The following PRIM2 variants were observed in gnomAD, a reference collection of about 807,000 sequenced individuals.
PRIM2 encodes DNA primase subunit 2, also known as DNA primase large subunit.
A neutral mutation model predicts 67.3 loss-of-function variants in PRIM2; 39 were observed. The ratio of observed to expected loss-of-function variants is 0.58; its 90% confidence interval spans 0.45 to 0.76. PRIM2 has a LOEUF of 0.76. PRIM2 is among the 30% of genes least tolerant of loss of function. The pLI, the probability that PRIM2 is intolerant of heterozygous loss-of-function variation, is 0.00. For missense variants in PRIM2, 398 were observed against 598.7 expected (o/e 0.66, Z 3.50); for synonymous variants, 143 against 198.7 (o/e 0.72, Z 2.36).
At chr6:57,572,033 A>T (rs1475586839) in intron 10 of PRIM2, among the ~76,000 whole-genome samples, 1 of 152,166 alleles carries the variant, frequency 6.6e-6, no homozygotes, top group Non-Finnish European at 1.5e-5. Context: ...TATCTGTTTT[A>T]TCGTTCATGA....
At chr6:57,240,087 ATCTGTTTTT>A in the PRIM2 span, among the ~76,000 whole-genome samples, 1 of 109,898 alleles carries the variant, frequency 9.1e-6, no homozygotes, top group Admixed American at 1.2e-4. Flanking sequence ...GGGATCAATA[ATCTGTTTTT>A]TTTTTTTTTT....
At chr6:57,617,274 G>GT (rs1264816990) in intron 12 of PRIM2, among the ~76,000 whole-genome samples, 1 of 152,080 alleles carries the variant, frequency 6.6e-6, no homozygotes, top group Non-Finnish European at 1.5e-5. Flanking sequence ...TCTTTGTCTA[G>GT]TTTCCTCTTT....
chr6:57,406,631 G>C (rs1770901323), intron 7 of PRIM2, among the ~76,000 whole-genome samples: 1 of 152,052 alleles, frequency 6.6e-6, no homozygotes, highest in African/African-American at 2.4e-5. Context: ...TCTGAGACTA[G>C]TTGATTGGAA....
chr6:57,516,172 G>C (rs1403477512), intron 8 of PRIM2, among the ~76,000 whole-genome samples: 2 of 151,878 alleles, frequency 1.3e-5, no homozygotes, highest in Non-Finnish European at 2.9e-5. Flanking sequence ...GATTAGATCA[G>C]ACTACAGGGA....
intron 13 of PRIM2, among the ~76,000 whole-genome samples, chr6:57,636,209 C>G (rs1777118810): frequency 6.6e-6 from 1 of 151,948 alleles, no homozygotes; most frequent in Non-Finnish European, 1.5e-5. Flanking sequence ...AGGAAAGAAA[C>G]AAAAGAGTCA....
intron 7 of PRIM2, among the ~76,000 whole-genome samples, chr6:57,459,506 A>G (rs1772925939): frequency 6.6e-6 from 1 of 152,184 alleles, no homozygotes; most frequent in Non-Finnish European, 1.5e-5. Context: ...AGGTTCCTGT[A>G]CAGTGATAAA....
At chr6:57,296,451 A>G in the PRIM2 span, among the ~76,000 whole-genome samples, 3 of 152,184 alleles carry the variant, frequency 2.0e-5, no homozygotes, top group Non-Finnish European at 2.9e-5. Flanking sequence ...AAATGAATAA[A>G]TAAAAGGAAA....
At chr6:57,266,358 C>T in the PRIM2 span, among the ~76,000 whole-genome samples, 4 of 152,114 alleles carry the variant, frequency 2.6e-5, no homozygotes, top group Admixed American at 6.6e-5. Flanking sequence ...CAAACCCAGA[C>T]GGCCTACAGA....
intron 5 of PRIM2, among the ~76,000 whole-genome samples, chr6:57,362,751 C>T (rs987621268): frequency 9.9e-5 from 15 of 151,644 alleles, no homozygotes; most frequent in Admixed American, 2.0e-4. Flanking sequence ...TTTAATTGTG[C>T]ACCAAAAGGT....
At chr6:57,222,209 G>A in the PRIM2 span, 1 of 152,360 alleles carries the variant, frequency 6.6e-6, no homozygotes, top group South Asian at 2.1e-4. Flanking sequence ...TTAGTAGCCA[G>A]GGCTCAGATT....
At chr6:57,268,050 T>C in the PRIM2 span, among the ~76,000 whole-genome samples, 2 of 152,160 alleles carry the variant, frequency 1.3e-5, no homozygotes. Flanking sequence ...ATGGCTGTTG[T>C]TTCTGGCTTT....
chr6:57,469,017 C>T (rs1383776209), intron 7 of PRIM2, among the ~76,000 whole-genome samples: 1 of 152,146 alleles, frequency 6.6e-6, no homozygotes, highest in Non-Finnish European at 1.5e-5. Context: ...TCTATTCTCC[C>T]TGAGGGAGAA....
chr6:57,629,051 A>G, intron 12 of PRIM2, among the ~76,000 whole-genome samples: 1 of 152,290 alleles, frequency 6.6e-6, no homozygotes, highest in South Asian at 2.1e-4. Context: ...CCTTGGAGTC[A>G]TCCAACCCCC....
rs1554346607 is a variant in PRIM2 at position 57,499,111 on chromosome 6, G to C, written c.694-8276G>C. ...ACAAAGTGAAATTCATTTATTCTAG[G>C]TGTACAACAAGAGTTATAGGAGCTA... is the stretch of plus-strand genomic sequence containing the variant. On this transcript the variant is annotated intron_variant, in intron 7 of 13. Coordinates refer to ENST00000615550, the MANE Select transcript of PRIM2 (RefSeq NM_000947.5). 3.3e-5 allele frequency among the ~76,000 whole-genome samples: 5 copies of C among 152,138 alleles called. No homozygotes were observed. In the South Asian group the frequency reaches 8.3e-4, roughly 25 times the overall value.
At position 57,600,301 on chromosome 6, in the gene PRIM2, C is replaced by T. The variant is rs1776439790; in HGVS notation, c.1021-792C>T. ...TAGTACTTCATTCATTAAGCATTTG[C>T]TGACTACTTTGTATAGTGGAAATCC... On this transcript the variant is annotated intron_variant, in intron 10 of 13. Coordinates refer to ENST00000615550, the MANE Select transcript of PRIM2 (RefSeq NM_000947.5). Among the ~76,000 whole-genome samples the T allele has an allele frequency of 3.3e-5, 5 of 151,490 alleles. No individual in the cohort carries two copies. The South Asian group carries it at 1.0e-3, about 32-fold the overall frequency.
chr6:57,437,650 T>G (rs1011340236), intron 7 of PRIM2, among the ~76,000 whole-genome samples: 1 of 147,442 alleles, frequency 6.8e-6, no homozygotes, highest in African/African-American at 2.5e-5. Context: ...CAAAGATCCT[T>G]GGGAAGGATT....
chr6:57,407,688 T>A (rs1472724501), intron 7 of PRIM2, among the ~76,000 whole-genome samples: 1 of 152,210 alleles, frequency 6.6e-6, no homozygotes, highest in Non-Finnish European at 1.5e-5. Flanking sequence ...AAAGAGAATT[T>A]GAAACTGTGT....
In PRIM2 at chr6:57,632,157, C is replaced by G; in HGVS notation, c.1255C>G (p.His419Asp). ...SQILDLVKGT[H>D]YQVACQKYFE... ...GATTTTGGATTTAGTAAAGGGGACA[C>G]ATTACCAGGTAGCCTGTCAAAAATA... Residue 419 changes from histidine (H) to aspartate (D), a missense_variant, in exon 13 of 14, where the codon CAT (histidine) becomes GAT (aspartate). Physicochemically the swap from His to Asp is moderately conservative, Grantham distance 81. Transcript: ENST00000615550. The G allele has an allele frequency of 6.6e-7, 1 of 1,506,078 alleles. No individual in the cohort carries two copies. The highest frequency in any genetic ancestry group is 1.4e-5 in the African/African-American group (1 of 70,824). The allele number at this position is 1,506,078 out of a possible 1,614,324, so 93.3% of individuals were successfully genotyped here.
chr6:57,603,005 A>G (rs1776497846), intron 11 of PRIM2, among the ~76,000 whole-genome samples: 1 of 152,128 alleles, frequency 6.6e-6, no homozygotes, highest in East Asian at 1.9e-4. Context: ...ACCTACATTG[A>G]CAAATCCTTA....
Sources: allele counts gnomAD v4.1 joint callset (sites outside exome capture counted in the v4.1 genomes callset), GRCh38; gene constraint gnomAD v4.1.1; transcripts MANE v1.5; gene names NCBI Gene and HGNC (gene_info 2026-07-23, HGNC 2026-07-21).